The following NEGR1 variants were observed in gnomAD, a reference collection of about 807,000 sequenced individuals.
The protein encoded by NEGR1 is neuronal growth regulator 1.
A neutral mutation model predicts 40.9 loss-of-function variants in NEGR1; 10 were observed. The observed-to-expected ratio is 0.24, with a 90% CI of 0.15 to 0.42. The LOEUF (loss-of-function observed/expected upper bound fraction) is 0.42. Among genes scored for constraint, NEGR1 ranks in the 10% least tolerant of loss-of-function variants. The pLI is 1.00. For missense variants in NEGR1, 352 were observed against 438.9 expected (o/e 0.80, Z 1.77); for synonymous variants, 185 against 166.8 (o/e 1.11, Z -0.84).
intron 1 of NEGR1, among the ~76,000 whole-genome samples, chr1:72,084,257 G>A (rs1247846128): frequency 6.6e-6 from 1 of 152,110 alleles, no homozygotes; most frequent in East Asian, 1.9e-4. Flanking sequence ...CTACAAAATA[G>A]GCCCCTGATG....
intron 3 of NEGR1, among the ~76,000 whole-genome samples, chr1:71,726,486 A>G (rs963845814): frequency 6.6e-6 from 1 of 152,114 alleles, no homozygotes; most frequent in Non-Finnish European, 1.5e-5. Context: ...GCTGGTGGTA[A>G]GAACTCAGAC....
In NEGR1 at chr1:71,943,058, G is replaced by A. The variant is rs1365173340; in HGVS notation, c.177-7747C>T. 3.3e-4 allele frequency among the ~76,000 whole-genome samples: 43 copies of A among 131,752 alleles called. 1 individual carries two copies. The highest frequency in any genetic ancestry group is 1.1e-3 in the African/African-American group (40 of 36,222). 86.4% of individuals were successfully genotyped at this position (131,752 alleles called of 152,430 possible). A position where few individuals can be genotyped will look rare whatever the true frequency, so the allele number is the denominator to read the frequency against. ...CATACATATATATGTGTATATATAT[G>A]TGTGTGTATATATATGTGTATATAT... On this transcript the variant is annotated intron_variant, in intron 1 of 6. Transcript: ENST00000357731.
At chr1:71,776,395 G>T in intron 2 of NEGR1, 98 bp from the exon 3 acceptor site, 1 of 677,298 alleles carries the variant, frequency 1.5e-6, no homozygotes, top group Non-Finnish European at 2.3e-6. Flanking sequence ...AAAGGTATGA[G>T]GGTGAAATGT....
intron 1 of NEGR1, chr1:72,274,992 G>C (rs200100612): frequency 6.5e-7 from 1 of 1,538,362 alleles, no homozygotes; most frequent in Non-Finnish European, 9.0e-7. Context: ...TAGTTAGTAC[G>C]ACTGTGGAAA....
chr1:71,537,103 C>T (rs1647536790), intron 6 of NEGR1, among the ~76,000 whole-genome samples: 1 of 151,618 alleles, frequency 6.6e-6, no homozygotes, highest in Non-Finnish European at 1.5e-5. Context: ...TATCTAACTC[C>T]TACTATGTAA....
chr1:71,438,652 T>TACTA (rs1369388115), intron 6 of NEGR1, among the ~76,000 whole-genome samples: 1 of 152,246 alleles, frequency 6.6e-6, no homozygotes, highest in African/African-American at 2.4e-5. Flanking sequence ...AAAATGGCCT[T>TACTA]ACTAACCTTA....
At chr1:71,852,336 C>A (rs1659632168) in intron 2 of NEGR1, among the ~76,000 whole-genome samples, 1 of 152,086 alleles carries the variant, frequency 6.6e-6, no homozygotes, top group African/African-American at 2.4e-5. Context: ...GTGAGAACAG[C>A]AGATACAAAT....
intron 6 of NEGR1, among the ~76,000 whole-genome samples, chr1:71,411,205 A>T (rs181054428): frequency 4.6e-5 from 7 of 152,270 alleles, no homozygotes; most frequent in African/African-American, 1.7e-4. Context: ...AGAGAGTATC[A>T]TCTTTTCCTT....
chr1:71,750,911 T>C (rs1196198168), intron 3 of NEGR1, among the ~76,000 whole-genome samples: 2 of 152,124 alleles, frequency 1.3e-5, no homozygotes, highest in African/African-American at 4.8e-5. Context: ...GACAATATAA[T>C]GGGAAAAAAT....
chr1:71,647,127 G>T (rs534322230), intron 4 of NEGR1, among the ~76,000 whole-genome samples: 2 of 151,822 alleles, frequency 1.3e-5, no homozygotes, highest in African/African-American at 2.4e-5. Flanking sequence ...TGGCCCTAAA[G>T]TGTTCAGGGC....
chr1:71,937,924 C>A (rs1645922908), intron 1 of NEGR1, among the ~76,000 whole-genome samples: 1 of 151,980 alleles, frequency 6.6e-6, no homozygotes, highest in South Asian at 2.1e-4. Flanking sequence ...CAGAGATTAA[C>A]CAGTAGTCTT....
chr1:71,780,040 C>CAAAAAAAA (rs57576840), intron 2 of NEGR1, among the ~76,000 whole-genome samples: 26 of 99,732 alleles, frequency 2.6e-4, no homozygotes, highest in African/African-American at 8.5e-4. Flanking sequence ...ATAGGAAAAC[C>CAAAAAAAA]AAAAAAAAAA....
At chr1:71,662,366 GA>G (rs1232884632) in intron 4 of NEGR1, among the ~76,000 whole-genome samples, 1 of 152,148 alleles carries the variant, frequency 6.6e-6, no homozygotes, top group African/African-American at 2.4e-5. Context: ...AAGGAATTTG[GA>G]AGTGGTTATG....
At position 71,494,521 on chromosome 1, in the gene NEGR1, C is replaced by T. The variant is rs937263896; in HGVS notation, c.941-86951G>A. 4.6e-5 allele frequency among the ~76,000 whole-genome samples: 7 copies of T among 152,202 alleles called. No individual in the cohort carries two copies. In the South Asian group the frequency reaches 1.5e-3, roughly 32 times the overall value. On this transcript the variant is annotated intron_variant, in intron 6 of 6. Coordinates refer to ENST00000357731, the MANE Select transcript of NEGR1 (RefSeq NM_173808.3). Reference sequence around the variant, plus strand: ...TTCCATTGGCTGAGTTTTTGTATTCCCCTGTAATAACCCATGACTATAATA... The same window carrying T: ...TTCCATTGGCTGAGTTTTTGTATTCTCCTGTAATAACCCATGACTATAATA...
intron 2 of NEGR1, among the ~76,000 whole-genome samples, chr1:71,915,672 G>A (rs1338354525): frequency 1.3e-5 from 2 of 152,000 alleles, no homozygotes; most frequent in Admixed American, 6.6e-5. Context: ...CAAGGTCCAC[G>A]TTCAGATAAG....
At chr1:71,883,099 G>A (rs1023078766) in intron 2 of NEGR1, among the ~76,000 whole-genome samples, 1 of 151,702 alleles carries the variant, frequency 6.6e-6, no homozygotes, top group Non-Finnish European at 1.5e-5. Flanking sequence ...AATCTTTTGG[G>A]GCCTCAGTTT....
At chr1:71,860,767 C>G (rs943328648) in intron 2 of NEGR1, among the ~76,000 whole-genome samples, 1 of 151,978 alleles carries the variant, frequency 6.6e-6, no homozygotes, top group Non-Finnish European at 1.5e-5. Context: ...TACATCTCCT[C>G]TCTTATGTAC....
chr1:71,558,094 C>G (rs562330769), intron 6 of NEGR1, among the ~76,000 whole-genome samples: 1 of 151,544 alleles, frequency 6.6e-6, no homozygotes, highest in East Asian at 2.0e-4. Flanking sequence ...ATTAATGTGT[C>G]TTACTTCTGG....
chr1:71,665,253 C>T (rs1446161337), intron 4 of NEGR1, among the ~76,000 whole-genome samples: 2 of 152,094 alleles, frequency 1.3e-5, no homozygotes, highest in African/African-American at 2.4e-5. Flanking sequence ...TCTTTGCTGT[C>T]TGGGGATAAA....
Sources: gnomAD v4.1 joint callset for allele counts (sites outside exome capture counted in the v4.1 genomes callset) on GRCh38, gnomAD v4.1.1 for gene constraint, MANE v1.5 for transcripts, NCBI Gene and HGNC (gene_info 2026-07-23, HGNC 2026-07-21) for gene names.